The following COL18A1 variants were observed in gnomAD, a reference collection of about 807,000 sequenced individuals.
COL18A1 encodes collagen alpha-1(XVIII) chain.
Under a neutral mutation model 168.0 loss-of-function variants are expected in COL18A1, and 133 were observed. That is an observed-to-expected ratio of 0.79 (90% CI 0.69 to 0.91). The LOEUF is 0.91. Among genes scored for constraint, COL18A1 ranks in the 40% least tolerant of loss-of-function variants. The probability of loss-of-function intolerance (pLI) is 0.00; values close to 1 mark genes in which losing one functional copy is unlikely to be tolerated. For synonymous variants in COL18A1, 949 were observed against 809.0 expected, an observed-to-expected ratio of 1.17 and a Z score of -2.94; for missense variants, 2,126 against 1,925.4, an observed-to-expected ratio of 1.10 and a Z score of -1.95.
At chr21:45,426,079 G>A (rs2033789375) in intron 2 of COL18A1, among the ~76,000 whole-genome samples, 2 of 152,082 alleles carry the variant, frequency 1.3e-5, no homozygotes, top group African/African-American at 2.4e-5. Context: ...TGAATTGACA[G>A]CATTTAGTTT....
At chr21:45,488,162 G>T (rs2036181041) in intron 17 of COL18A1, among the ~76,000 whole-genome samples, 1 of 152,260 alleles carries the variant, frequency 6.6e-6, no homozygotes, top group African/African-American at 2.4e-5. Flanking sequence ...CATGCTCAGA[G>T]ACTCAGCCTG....
intron 2 of COL18A1, among the ~76,000 whole-genome samples, chr21:45,448,595 C>T (rs1378268966): frequency 6.6e-6 from 1 of 152,254 alleles, no homozygotes; most frequent in Non-Finnish European, 1.5e-5. Context: ...CGCAGCATCT[C>T]CACACATTGC....
At chr21:45,503,977 C>T (rs1446733382) in intron 32 of COL18A1, 34 bp from the exon 33 acceptor site, 2 of 1,612,856 alleles carry the variant, frequency 1.2e-6, no homozygotes, top group Non-Finnish European at 1.7e-6. Flanking sequence ...TCAGACACCA[C>T]CTCAGCGAGA....
In COL18A1 at chr21:45,503,733, A is replaced by G. The variant is rs987839686; in HGVS notation, c.2684-278A>G. ...GCACACCAGCATGGCACATGTATAC[A>G]TATGTAACTAACCTGCACATCATGC... On this transcript the variant is annotated intron_variant, in intron 32 of 41. Transcript: ENST00000651438. 1.2e-4 allele frequency among the ~76,000 whole-genome samples: 18 copies of G among 152,118 alleles called. 1 individual carries two copies. Among genetic ancestry groups the G allele is most frequent in the South Asian group, 2.1e-4 (1 of 4,800 alleles).
At position 45,480,924 on chromosome 21, in the gene COL18A1, A is replaced by G. The variant is rs2035869637; in HGVS notation, c.1611+66A>G. ...GCTGGGAGTGAGGGGTGAACACCCCACATGGGAGCCCCTGCCCCGCCTCAG... is the reference window on the plus strand; with the variant it reads ...GCTGGGAGTGAGGGGTGAACACCCCGCATGGGAGCCCCTGCCCCGCCTCAG... On this transcript the variant is annotated intron_variant, in intron 13 of 41. Transcript: ENST00000651438. 2.0e-6 allele frequency: 3 copies of G among 1,535,070 alleles called. No individual in the cohort carries two copies. The African/African-American group carries it at 4.1e-5, about 21-fold the overall frequency.
chr21:45,468,182 G>A (rs1325262234), intron 2 of COL18A1, 60 bp from the exon 3 acceptor site: 17 of 1,591,656 alleles, frequency 1.1e-5, no homozygotes, highest in Middle Eastern at 3.5e-4. Context: ...TCCAGGCCGC[G>A]TCGGTGGCCC....
intron 2 of COL18A1, among the ~76,000 whole-genome samples, chr21:45,437,022 G>A (rs1487478596): frequency 2.0e-5 from 3 of 152,078 alleles, no homozygotes; most frequent in Admixed American, 6.6e-5. Context: ...CCTGTACATA[G>A]TGAAGGTGGG....
chr21:45,417,382 C>T (rs977862063), intron 2 of COL18A1, among the ~76,000 whole-genome samples: 1 of 152,198 alleles, frequency 6.6e-6, no homozygotes, highest in Non-Finnish European at 1.5e-5. Context: ...GATTGGCCCC[C>T]GAACGTGCCT....
Position 45,453,009 on chromosome 21 carries a change from A to G in COL18A1, c.107-15233A>G, listed in dbSNP as rs61012450. On this transcript the variant is annotated intron_variant, in intron 2 of 41. Coordinates refer to ENST00000651438, the MANE Select transcript of COL18A1 (RefSeq NM_001379500.1). Reference sequence around the variant, plus strand: ...ACATGTGACATGTGAGCCTATATGTATGTGTGTGATTGCGAGTATTCATGT... The same window carrying G: ...ACATGTGACATGTGAGCCTATATGTGTGTGTGTGATTGCGAGTATTCATGT... Among the ~76,000 whole-genome samples the G allele has an allele frequency of 5.5e-3, 822 of 149,478 alleles. 12 individuals are homozygous for G. The highest frequency in any genetic ancestry group is 0.02 in the African/African-American group (795 of 40,422).
chr21:45,421,482 C>T lies in COL18A1; in HGVS notation c.106+16009C>T, dbSNP rs59864413. 1,736 of 534,546 alleles carry T rather than the reference C, an allele frequency of 3.2e-3. 29 individuals are homozygous for T. The East Asian group carries it at 0.049, about 15-fold the overall frequency. The allele number at this position is 534,546 out of a possible 1,614,324, so 33.1% of individuals were successfully genotyped here. ...GCGTCTCAGGAGCGGAGCAGGACAC[C>T]GCGTTTCTGGCTGTGCAAGGCTCCA... On this transcript the variant is annotated intron_variant, in intron 2 of 41. Coordinates refer to ENST00000651438, the MANE Select transcript of COL18A1 (RefSeq NM_001379500.1).
intron 24 of COL18A1, 114 bp from the exon 25 acceptor site, chr21:45,493,049 C>A: frequency 1.8e-6 from 2 of 1,105,260 alleles, no homozygotes; most frequent in South Asian, 1.3e-5. Flanking sequence ...GGGCCCTGGT[C>A]GGGCTGTCGA....
chr21:45,457,382 G>A lies in COL18A1; in HGVS notation c.107-10860G>A, dbSNP rs990672944. On this transcript the variant is annotated intron_variant, in intron 2 of 41. Transcript: ENST00000651438. The surrounding 1 kb of genome is among the most constrained non-coding windows in gnomAD (Gnocchi z 4.6). ...TGGGCAGTGCAGAGACCCTACCAGC[G>A]TGGGGACCAGGGAGGTCTGCAGGGC... Among the ~76,000 whole-genome samples, 8 of 152,176 alleles carry A rather than the reference G, an allele frequency of 5.3e-5. No individual in the cohort carries two copies. The highest frequency in any genetic ancestry group is 1.9e-4 in the East Asian group (1 of 5,198).
chr21:45,509,102 T>C (rs994702435), intron 38 of COL18A1, among the ~76,000 whole-genome samples: 1 of 152,074 alleles, frequency 6.6e-6, no homozygotes, highest in African/African-American at 2.4e-5. Context: ...GGTGAGTGAT[T>C]GCTGCGGCTT....
chr21:45,512,406 C>T lies in COL18A1; in HGVS notation c.*8C>T, dbSNP rs778766855. ...ATGACTGCCTCCAAGTAGCCACCGC[C>T]TGGATGCGGATGGCCGGAGAGGACC... is the stretch of plus-strand genomic sequence containing the variant. On this transcript the variant is annotated 3_prime_UTR_variant, in exon 42 of 42. Coordinates refer to ENST00000651438, the MANE Select transcript of COL18A1 (RefSeq NM_001379500.1). The T allele has an allele frequency of 1.9e-6, 3 of 1,611,658 alleles. No individual in the cohort carries two copies. The highest frequency in any genetic ancestry group is 2.5e-6 in the Non-Finnish European group (3 of 1,179,504).
rs569010008 is a variant in COL18A1, at chr21:45,456,807, G to A, written c.107-11435G>A. The A allele has an allele frequency of 8.5e-6, 13 of 1,537,784 alleles. No homozygotes were observed. In the Admixed American group the frequency reaches 1.2e-4, roughly 14 times the overall value. On this transcript the variant is annotated intron_variant, in intron 2 of 41. Coordinates refer to ENST00000651438, the MANE Select transcript of COL18A1 (RefSeq NM_001379500.1). Reference sequence around the variant, plus strand: ...GCGTGTTGGAGCCGCCTGGGCGGGGGCCGGCTGCCCGTCGCCTGTGCCTCG... The same window carrying A: ...GCGTGTTGGAGCCGCCTGGGCGGGGACCGGCTGCCCGTCGCCTGTGCCTCG...
At chr21:45,437,455 GACAGACAC>G (rs145155288) in intron 2 of COL18A1, among the ~76,000 whole-genome samples, 1 of 2,976 alleles carries the variant, frequency 3.4e-4, no homozygotes, top group Non-Finnish European at 5.6e-4. Context: ...CTCACTCACA[GACAGACAC>G]ACAGGCACTC....
intron 2 of COL18A1, among the ~76,000 whole-genome samples, chr21:45,410,379 G>A (rs1300936658): frequency 6.6e-6 from 1 of 152,164 alleles, no homozygotes; most frequent in Non-Finnish European, 1.5e-5. Context: ...GCAGGCTTGC[G>A]AGTGGGCACA....
At chr21:45,411,832 C>T (rs571701152) in intron 2 of COL18A1, among the ~76,000 whole-genome samples, 2 of 149,582 alleles carry the variant, frequency 1.3e-5, no homozygotes, top group Admixed American at 6.8e-5. Flanking sequence ...TGATGGGCGA[C>T]GTTCATTTAC....
At chr21:45,511,302 GT>G (rs1347097646) in intron 41 of COL18A1, 76 bp downstream of exon 41, 2 of 766,246 alleles carry the variant, frequency 2.6e-6, no homozygotes, top group East Asian at 2.7e-5. Flanking sequence ...CCTATCTGCA[GT>G]TTCCCCCCGA....
Sources: allele counts gnomAD v4.1 joint callset (sites outside exome capture counted in the v4.1 genomes callset), GRCh38; gene constraint gnomAD v4.1.1; non-coding constraint Gnocchi (gnomAD v3.1); transcripts MANE v1.5; gene names NCBI Gene and HGNC (gene_info 2026-07-23, HGNC 2026-07-21).